Variants in GABRA5 observed in about 807,000 individuals in gnomAD.
The protein encoded by GABRA5 is gamma-aminobutyric acid type A receptor subunit alpha5.
Under a neutral mutation model 47.3 loss-of-function variants are expected in GABRA5, and 18 were observed. The observed-to-expected ratio is 0.38, with a 90% CI of 0.26 to 0.56. GABRA5 has a LOEUF of 0.56. Among genes scored for constraint, GABRA5 ranks in the 20% least tolerant of loss-of-function variants. GABRA5 has a pLI of 0.71. For missense variants in GABRA5, 365 were observed against 599.3 expected (o/e 0.61, Z 4.08); for synonymous variants, 237 against 229.3 (o/e 1.03, Z -0.30).
At chr15:26,934,667 G>A (rs891730522) in intron 7 of GABRA5, among the ~76,000 whole-genome samples, 5 of 151,900 alleles carry the variant, frequency 3.3e-5, no homozygotes, top group Admixed American at 1.3e-4. Context: ...TTTTTTCCCC[G>A]ATCTACAGAT....
At chr15:26,920,287 T>G (rs1893813400) in intron 7 of GABRA5, among the ~76,000 whole-genome samples, 1 of 152,146 alleles carries the variant, frequency 6.6e-6, no homozygotes, top group African/African-American at 2.4e-5. Context: ...TTAAGCTTTC[T>G]TTTCTCTTCT....
At chr15:26,944,643 G>A (rs960656261) in intron 10 of GABRA5, among the ~76,000 whole-genome samples, 8 of 152,228 alleles carry the variant, frequency 5.3e-5, no homozygotes, top group African/African-American at 1.7e-4. Flanking sequence ...TGGCCGACAC[G>A]TTTGAACTTG....
intron 7 of GABRA5, among the ~76,000 whole-genome samples, chr15:26,930,126 C>T (rs141879219): frequency 0.015 from 2,239 of 151,640 alleles, 59 homozygotes; most frequent in African/African-American, 0.052. Flanking sequence ...GATTCTCCTG[C>T]TTCAGCCTCC....
At chr15:26,910,368 G>A (rs1893550793) in intron 6 of GABRA5, among the ~76,000 whole-genome samples, 1 of 152,122 alleles carries the variant, frequency 6.6e-6, no homozygotes, top group Non-Finnish European at 1.5e-5. Context: ...TTGGGAGGCC[G>A]AGGCAGGTGG....
At chr15:26,921,321 C>T (rs1434459864) in intron 7 of GABRA5, among the ~76,000 whole-genome samples, 1 of 152,022 alleles carries the variant, frequency 6.6e-6, no homozygotes, top group Non-Finnish European at 1.5e-5. Flanking sequence ...GAATTATGTA[C>T]TTCTTATTAG....
At chr15:26,925,141 G>A (rs1893930468) in intron 7 of GABRA5, among the ~76,000 whole-genome samples, 1 of 151,810 alleles carries the variant, frequency 6.6e-6, no homozygotes, top group African/African-American at 2.4e-5. Context: ...GTGGTTTTCT[G>A]AGCCTCTTGA....
rs775231235 is a variant in GABRA5 at position 26,937,315 on chromosome 15, C to T, written c.711C>T (p.Ile237=). ...GGCAGACGGTGGGCACTGAGAACAT[C>T]AGCACCAGCACAGGTGAGGGCTCGG... The part of the protein sequence containing the change: ...LMGQTVGTEN[I]STSTGEYTIM... The change falls in exon 8 of 11, where the codon ATC becomes ATT. Residue 237 remains isoleucine (I), a synonymous_variant. Coordinates refer to ENST00000335625, the MANE Select transcript of GABRA5 (RefSeq NM_000810.4). 1 of 1,611,322 alleles carries T rather than the reference C, an allele frequency of 6.2e-7. No individual in the cohort carries two copies. The highest frequency in any genetic ancestry group is 2.2e-5 in the East Asian group (1 of 44,824).
intron 6 of GABRA5, among the ~76,000 whole-genome samples, chr15:26,910,953 A>C (rs7166022): frequency 6.6e-6 from 1 of 152,112 alleles, no homozygotes; most frequent in Non-Finnish European, 1.5e-5. Context: ...TCCACATTTC[A>C]AGAGCCCCAT....
At position 26,937,291 on chromosome 15, in the gene GABRA5, G is replaced by T; in HGVS notation, c.687G>T (p.Gly229=). The T allele has an allele frequency of 6.2e-7, 1 of 1,613,636 alleles. No homozygotes were observed. Among genetic ancestry groups the T allele is most frequent in the Non-Finnish European group, 8.5e-7 (1 of 1,179,710 alleles). Residue 229 remains glycine (G), a synonymous_variant, in exon 8 of 11, where the codon GGG becomes GGT. Coordinates refer to ENST00000335625, the MANE Select transcript of GABRA5 (RefSeq NM_000810.4). ...GACTGAACCAGTACCACCTGATGGG[G>T]CAGACGGTGGGCACTGAGAACATCA... ...GSRLNQYHLM[G]QTVGTENIST... is the part of the protein sequence containing the mutation.
At chr15:26,906,985 C>T (rs531126821) in intron 6 of GABRA5, among the ~76,000 whole-genome samples, 1 of 152,254 alleles carries the variant, frequency 6.6e-6, no homozygotes, top group African/African-American at 2.4e-5. Flanking sequence ...TTGCTGACAT[C>T]TTCTTTTCAG....
chr15:26,928,256 C>G (rs1894007074), intron 7 of GABRA5, among the ~76,000 whole-genome samples: 1 of 152,156 alleles, frequency 6.6e-6, no homozygotes, highest in Admixed American at 6.5e-5. Context: ...ATGAATTATG[C>G]CTGCTGTTGC....
At chr15:26,885,348 G>T (rs1212599690) in intron 6 of GABRA5, among the ~76,000 whole-genome samples, 2 of 147,288 alleles carry the variant, frequency 1.4e-5, no homozygotes, top group Admixed American at 6.8e-5. Context: ...GATGTGGGGG[G>T]CGTGAGCTCT....
chr15:26,921,973 A>G (rs1228636642), intron 7 of GABRA5, among the ~76,000 whole-genome samples: 2 of 152,102 alleles, frequency 1.3e-5, no homozygotes. Flanking sequence ...TATAATTACA[A>G]TTCTTTTAAA....
At chr15:26,906,523 C>T (rs928430129) in intron 6 of GABRA5, among the ~76,000 whole-genome samples, 1 of 152,120 alleles carries the variant, frequency 6.6e-6, no homozygotes, top group African/African-American at 2.4e-5. Context: ...TCTTAGATTT[C>T]CTGGTATAAG....
intron 6 of GABRA5, among the ~76,000 whole-genome samples, chr15:26,902,657 G>A (rs1207330942): frequency 6.6e-6 from 1 of 151,868 alleles, no homozygotes; most frequent in Non-Finnish European, 1.5e-5. Flanking sequence ...TATTACATTA[G>A]CTAGAACTTT....
intron 3 of GABRA5, among the ~76,000 whole-genome samples, chr15:26,873,060 G>A (rs890502717): frequency 6.6e-6 from 1 of 152,080 alleles, no homozygotes; most frequent in Non-Finnish European, 1.5e-5. Context: ...ATACAATAAG[G>A]CCCTTTTTGG....
intron 7 of GABRA5, among the ~76,000 whole-genome samples, chr15:26,920,470 TTCTG>T (rs1301831183): frequency 2.0e-5 from 3 of 152,108 alleles, no homozygotes; most frequent in Non-Finnish European, 4.4e-5. Flanking sequence ...TAAAAATATT[TTCTG>T]TCTTTTTATT....
intron 3 of GABRA5, among the ~76,000 whole-genome samples, chr15:26,870,967 G>T (rs556631756): frequency 2.0e-5 from 3 of 152,314 alleles, no homozygotes; most frequent in South Asian, 4.1e-4. Flanking sequence ...CAAGCGGGGG[G>T]CGGATCGCCT....
At chr15:26,869,696 A>G (rs546725417) in intron 3 of GABRA5, among the ~76,000 whole-genome samples, 38 of 152,392 alleles carry the variant, frequency 2.5e-4, no homozygotes, top group Middle Eastern at 3.4e-3. Context: ...AGGCAGTGCC[A>G]ACATTTCAGT....
Sources: allele counts gnomAD v4.1 joint callset (sites outside exome capture counted in the v4.1 genomes callset), GRCh38; gene constraint gnomAD v4.1.1; transcripts MANE v1.5; gene names NCBI Gene and HGNC (gene_info 2026-07-23, HGNC 2026-07-21).